STAU1: variants seen among roughly 807,000 people sequenced by gnomAD.
STAU1 encodes the protein staufen double-stranded RNA binding protein 1.
STAU1 carries 13 observed loss-of-function variants against 62.9 expected under a neutral mutation model. That is an observed-to-expected ratio of 0.21 (90% CI 0.13 to 0.33). The LOEUF (loss-of-function observed/expected upper bound fraction) is 0.33, where lower values mean the gene tolerates loss of function less well. Among genes scored for constraint, STAU1 ranks in the 10% least tolerant of loss-of-function variants. The pLI is 1.00. For synonymous variants in STAU1, 269 were observed against 265.1 expected, an observed-to-expected ratio of 1.01 and a Z score of -0.14; for missense variants, 571 against 712.1, an observed-to-expected ratio of 0.80 and a Z score of 2.25.
the STAU1 span, among the ~76,000 whole-genome samples, chr20:49,204,622 A>ATATTTT: frequency 2.5e-5 from 1 of 40,612 alleles, no homozygotes; most frequent in Non-Finnish European, 4.7e-5. Context: ...ATATATATAT[A>ATATTTT]TGTGTATATA....
the STAU1 span, among the ~76,000 whole-genome samples, chr20:49,197,611 A>C: frequency 1.3e-5 from 2 of 151,936 alleles, no homozygotes; most frequent in Admixed American, 6.6e-5. Context: ...CATGTTGCCC[A>C]GGCTGGTCTC....
At chr20:49,134,421 A>C in intron 6 of STAU1, 2 of 564,678 alleles carry the variant, frequency 3.5e-6, no homozygotes, top group Non-Finnish European at 3.2e-6. Flanking sequence ...ACAAGAGTGA[A>C]ACTCATCTCA....
intron 12 of STAU1, among the ~76,000 whole-genome samples, chr20:49,116,581 C>T (rs556265574): frequency 3.3e-5 from 5 of 152,056 alleles, no homozygotes; most frequent in East Asian, 1.9e-4. Flanking sequence ...TCAGGTGATC[C>T]GCCTGCCTCA....
chr20:49,124,737 C>T (rs1157108637), intron 6 of STAU1, 150 bp from the exon 7 acceptor site: 4 of 738,084 alleles, frequency 5.4e-6, no homozygotes, highest in African/African-American at 1.8e-5. Context: ...ATTTCAAATG[C>T]TTTCTCGCCT....
intron 1 of STAU1, among the ~76,000 whole-genome samples, chr20:49,176,124 C>T (rs1307139868): frequency 1.3e-5 from 2 of 152,190 alleles, no homozygotes; most frequent in Non-Finnish European, 2.9e-5. Flanking sequence ...CTGTACATTA[C>T]ATATCGTCCG....
At chr20:49,207,578 T>A in the STAU1 span, among the ~76,000 whole-genome samples, 1 of 151,808 alleles carries the variant, frequency 6.6e-6, no homozygotes, top group Non-Finnish European at 1.5e-5. Context: ...AGCAGTGGTG[T>A]GATCTCGGCT....
chr20:49,185,184 T>A (rs1249971033), intron 1 of STAU1, among the ~76,000 whole-genome samples: 2 of 152,238 alleles, frequency 1.3e-5, no homozygotes, highest in Non-Finnish European at 2.9e-5. Context: ...GTAACAGCAG[T>A]ATCTTTACAC....
chr20:49,158,111 G>A (rs1204297917), intron 3 of STAU1, among the ~76,000 whole-genome samples: 1 of 151,086 alleles, frequency 6.6e-6, no homozygotes, highest in Non-Finnish European at 1.5e-5. Flanking sequence ...GTGAGACCCT[G>A]CCTCTACTAA....
rs566845438 is a variant in STAU1 at position 49,171,270 on chromosome 20, C to T, written c.-85+2925G>A. Among the ~76,000 whole-genome samples the T allele has an allele frequency of 2.0e-5, 3 of 152,268 alleles. No individual in the cohort carries two copies. In the South Asian group the frequency reaches 6.2e-4, roughly 32 times the overall value. The stretch of plus-strand genomic sequence containing the variant: ...AGCCTTTAAATACACCTAAAATACC[C>T]ACATCATTCCTTATACCAGTTATTT... On this transcript the variant is annotated intron_variant, in intron 2 of 13. Coordinates refer to ENST00000371856, the MANE Select transcript of STAU1 (RefSeq NM_017453.4).
chr20:49,158,219 T>C (rs1326221011), intron 3 of STAU1, among the ~76,000 whole-genome samples: 1 of 152,092 alleles, frequency 6.6e-6, no homozygotes, highest in Admixed American at 6.6e-5. Context: ...GAGGTTGCGG[T>C]TGCAGTGAGC....
At chr20:49,195,918 G>GAAAAAAAAAAAAAA in the STAU1 span, among the ~76,000 whole-genome samples, 16 of 74,406 alleles carry the variant, frequency 2.2e-4, no homozygotes, top group Non-Finnish European at 2.5e-4. Flanking sequence ...AAAAAAAAAA[G>GAAAAAAAAAAAAAA]AAAAAAGAAA....
At chr20:49,175,562 C>T (rs969716920) in intron 1 of STAU1, among the ~76,000 whole-genome samples, 2 of 152,008 alleles carry the variant, frequency 1.3e-5, no homozygotes, top group African/African-American at 2.4e-5. Flanking sequence ...TCCCTGCAAC[C>T]TCCGCCTCCC....
At chr20:49,175,380 G>A (rs2093646516) in intron 1 of STAU1, among the ~76,000 whole-genome samples, 1 of 151,676 alleles carries the variant, frequency 6.6e-6, no homozygotes, top group South Asian at 2.1e-4. Flanking sequence ...AGAATATTTT[G>A]CAGAGACACA....
At chr20:49,171,902 T>A (rs921064727) in intron 2 of STAU1, among the ~76,000 whole-genome samples, 1 of 133,466 alleles carries the variant, frequency 7.5e-6, no homozygotes, top group Non-Finnish European at 1.6e-5. Flanking sequence ...TGAAAAGAAA[T>A]ATGACCAAAC....
intron 3 of STAU1, among the ~76,000 whole-genome samples, chr20:49,158,247 A>C (rs1254957739): frequency 6.6e-6 from 1 of 152,102 alleles, no homozygotes; most frequent in Non-Finnish European, 1.5e-5. Context: ...ACGCTATGGC[A>C]CTCCAGCCTG....
intron 5 of STAU1, among the ~76,000 whole-genome samples, chr20:49,145,294 C>T (rs557755655): frequency 1.2e-4 from 18 of 150,960 alleles, no homozygotes; most frequent in Non-Finnish European, 2.4e-4. Flanking sequence ...GGTAGTGGCA[C>T]GCACCTGTAG....
chr20:49,201,415 T>C, the STAU1 span, among the ~76,000 whole-genome samples: 1 of 152,112 alleles, frequency 6.6e-6, no homozygotes, highest in Non-Finnish European at 1.5e-5. Flanking sequence ...ATTGACACTG[T>C]ACTCCAGTTG....
At chr20:49,199,471 C>T in the STAU1 span, among the ~76,000 whole-genome samples, 8 of 150,910 alleles carry the variant, frequency 5.3e-5, no homozygotes, top group South Asian at 1.3e-3. Flanking sequence ...CCTTGTGATC[C>T]GCCCACCTCG....
At chr20:49,169,641 G>A (rs2093572091) in intron 2 of STAU1, among the ~76,000 whole-genome samples, 2 of 152,174 alleles carry the variant, frequency 1.3e-5, no homozygotes, top group Non-Finnish European at 2.9e-5. Flanking sequence ...ATTAGGTTGA[G>A]AAGTTTGAAA....
Sources: allele counts gnomAD v4.1 joint callset (sites outside exome capture counted in the v4.1 genomes callset), GRCh38; gene constraint gnomAD v4.1.1; transcripts MANE v1.5; gene names NCBI Gene and HGNC (gene_info 2026-07-23, HGNC 2026-07-21).